Variants in CNTNAP5 observed in about 807,000 individuals in gnomAD.
CNTNAP5 encodes the protein contactin associated protein family member 5, also known as contactin-associated protein-like 5.
Under a neutral mutation model 150.2 loss-of-function variants are expected in CNTNAP5, and 72 were observed. The observed-to-expected ratio is 0.48, with a 90% confidence interval of 0.40 to 0.58. The LOEUF (loss-of-function observed/expected upper bound fraction) is 0.58, where lower values mean the gene tolerates loss of function less well. Among genes scored for constraint, CNTNAP5 ranks in the 20% least tolerant of loss-of-function variants. The pLI is 0.00. For missense variants in CNTNAP5, 1,636 were observed against 1,626.2 expected (o/e 1.01, Z -0.10); for synonymous variants, 672 against 619.8 (o/e 1.08, Z -1.25).
chr2:124,409,033 G>T (rs1691673502), intron 3 of CNTNAP5, among the ~76,000 whole-genome samples: 1 of 138,290 alleles, frequency 7.2e-6, no homozygotes. Flanking sequence ...ATACAGAGAA[G>T]TGCTTAAAGG....
At chr2:124,336,202 C>CAG (rs1441104739) in intron 3 of CNTNAP5, among the ~76,000 whole-genome samples, 1 of 151,974 alleles carries the variant, frequency 6.6e-6, no homozygotes, top group Non-Finnish European at 1.5e-5. Context: ...AGGTGAGGTA[C>CAG]AGAACTCTGC....
rs1678797365 is a variant in CNTNAP5 at position 124,917,649 on chromosome 2, G to A, written c.*3361G>A. 6.6e-6 allele frequency among the ~76,000 whole-genome samples: 1 copy of A among 152,066 alleles called. No individual in the cohort carries two copies. Reference sequence around the variant, plus strand: ...TCAGACTCATCTCCACCAACGGGTAGCAAGAGCAGGATAGAACAAAATAAA... The same window carrying A: ...TCAGACTCATCTCCACCAACGGGTAACAAGAGCAGGATAGAACAAAATAAA... On this transcript the variant is annotated 3_prime_UTR_variant, in exon 24 of 24. Coordinates refer to ENST00000682447, the MANE Select transcript of CNTNAP5 (RefSeq NM_001367498.1).
At chr2:124,786,359 GA>G (rs1281831787) in intron 17 of CNTNAP5, among the ~76,000 whole-genome samples, 3 of 50,562 alleles carry the variant, frequency 5.9e-5, no homozygotes, top group East Asian at 4.7e-4. Flanking sequence ...AAGGAAGAAA[GA>G]AAGAAAGAAA....
chr2:124,385,997 T>C (rs2565764), intron 3 of CNTNAP5, among the ~76,000 whole-genome samples: 1,624 of 152,244 alleles, frequency 0.011, 7 homozygotes, highest in Admixed American at 0.022. Flanking sequence ...AACATCGATG[T>C]TTGTTGAATG....
rs148292942 is a variant in CNTNAP5, at chr2:124,148,548, A to G, written c.83-73157A>G. Among the ~76,000 whole-genome samples, 211 of 146,936 alleles carry G rather than the reference A, an allele frequency of 1.4e-3. 1 individual carries two copies. The highest frequency in any genetic ancestry group is 4.9e-3 in the African/African-American group (196 of 40,390). On this transcript the variant is annotated intron_variant, in intron 1 of 23. Coordinates refer to ENST00000682447, the MANE Select transcript of CNTNAP5 (RefSeq NM_001367498.1). ...TACATATTATATATATACATATTAT[A>G]TATAATATGTATATATATAATATAT...
chr2:124,041,375 A>G (rs1458248519), intron 1 of CNTNAP5, among the ~76,000 whole-genome samples: 1 of 152,234 alleles, frequency 6.6e-6, no homozygotes, highest in African/African-American at 2.4e-5. Context: ...TTGATGGCCA[A>G]TGAAAGTCTC....
chr2:124,473,586 T>C (rs190608203), intron 6 of CNTNAP5, among the ~76,000 whole-genome samples: 1 of 152,052 alleles, frequency 6.6e-6, no homozygotes, highest in Admixed American at 6.6e-5. Context: ...GACATTCTGA[T>C]TGGGAGACCA....
intron 3 of CNTNAP5, among the ~76,000 whole-genome samples, chr2:124,374,212 G>T (rs1690594057): frequency 6.7e-6 from 1 of 149,112 alleles, no homozygotes; most frequent in Non-Finnish European, 1.5e-5. Flanking sequence ...TTATATTATG[G>T]TTAATTATTT....
chr2:124,303,102 C>T (rs546257193), intron 3 of CNTNAP5, among the ~76,000 whole-genome samples: 21 of 152,248 alleles, frequency 1.4e-4, no homozygotes, highest in African/African-American at 5.1e-4. Flanking sequence ...GTGTTTTCCA[C>T]CAGCTTCCAC....
intron 7 of CNTNAP5, among the ~76,000 whole-genome samples, chr2:124,486,289 T>C (rs185750825): frequency 4.6e-5 from 7 of 152,154 alleles, no homozygotes; most frequent in African/African-American, 1.4e-4. Flanking sequence ...AAACGGACTT[T>C]GGGGACTTGT....
At chr2:124,467,786 TC>T (rs756658637) in intron 6 of CNTNAP5, among the ~76,000 whole-genome samples, 4 of 152,170 alleles carry the variant, frequency 2.6e-5, no homozygotes, top group Non-Finnish European at 4.4e-5. Context: ...AAATTCACAC[TC>T]ATATTCAAAT....
intron 20 of CNTNAP5, among the ~76,000 whole-genome samples, chr2:124,868,031 G>A (rs2104723419): frequency 6.6e-6 from 1 of 152,156 alleles, no homozygotes; most frequent in South Asian, 2.1e-4. Context: ...TCTCTTACAT[G>A]CAGCATCTCG....
In CNTNAP5 at chr2:124,707,176, A is replaced by AGAT. The variant is rs755110727; in HGVS notation, c.2078-40051_2078-40050insTGA. On this transcript the variant is annotated intron_variant, in intron 13 of 23. Coordinates refer to ENST00000682447, the MANE Select transcript of CNTNAP5 (RefSeq NM_001367498.1). ...AAGAAGAAGAAGAAGAAGAAGAAGAAGAAGAAGAAGAAGAAGAAGAAGAAG... is the reference window on the plus strand; with the variant it reads ...AAGAAGAAGAAGAAGAAGAAGAAGAAGATGAAGAAGAAGAAGAAGAAGAAGAAG... Among the ~76,000 whole-genome samples, 47 of 121,632 alleles carry AGAT rather than the reference A, an allele frequency of 3.9e-4. 2 individuals carry two copies. Among genetic ancestry groups the AGAT allele is most frequent in the Admixed American group, 1.9e-3 (24 of 12,694 alleles). 79.8% of individuals were successfully genotyped at this position (121,632 alleles called of 152,430 possible).
chr2:124,358,210 C>G (rs564122513), intron 3 of CNTNAP5, among the ~76,000 whole-genome samples: 219 of 152,232 alleles, frequency 1.4e-3, no homozygotes, highest in African/African-American at 4.9e-3. Context: ...TGGGCTGAGA[C>G]AATGGGGTTT....
At chr2:124,414,850 G>T (rs1176939621) in intron 3 of CNTNAP5, among the ~76,000 whole-genome samples, 1 of 151,940 alleles carries the variant, frequency 6.6e-6, no homozygotes, top group Admixed American at 6.6e-5. Flanking sequence ...ACAGACCTAC[G>T]GACTCACATG....
intron 19 of CNTNAP5, among the ~76,000 whole-genome samples, chr2:124,808,014 C>G (rs1465196148): frequency 6.6e-6 from 1 of 152,102 alleles, no homozygotes; most frequent in African/African-American, 2.4e-5. Context: ...GAAAAAAATA[C>G]CATGCCTTTA....
intron 1 of CNTNAP5, among the ~76,000 whole-genome samples, chr2:124,212,778 A>G (rs1686048303): frequency 6.6e-6 from 1 of 150,436 alleles, no homozygotes; most frequent in African/African-American, 2.4e-5. Context: ...CAGTACCACC[A>G]ATGATTTCCT....
In CNTNAP5 at chr2:124,902,949, C is replaced by T. The variant is rs776340609; in HGVS notation, c.3504C>T (p.Ser1168=). The change falls in exon 22 of 24, where the codon TCC becomes TCT. Residue 1168 remains serine, a synonymous_variant. Coordinates refer to ENST00000682447, the MANE Select transcript of CNTNAP5 (RefSeq NM_001367498.1). ...NAMGFAGCMS[S]VQYNHIAPLK... ...TGGGTTTTGCTGGATGCATGTCTTCCGTCCAGTACAACCACATAGCACCAC... is the reference window on the plus strand; with the variant it reads ...TGGGTTTTGCTGGATGCATGTCTTCTGTCCAGTACAACCACATAGCACCAC... 50 of 1,612,882 alleles carry T rather than the reference C, an allele frequency of 3.1e-5. No individual in the cohort carries two copies. The highest frequency in any genetic ancestry group is 9.9e-5 in the South Asian group (9 of 90,946).
chr2:124,732,407 T>C (rs1188374557), intron 13 of CNTNAP5, among the ~76,000 whole-genome samples: 1 of 152,114 alleles, frequency 6.6e-6, no homozygotes, highest in African/African-American at 2.4e-5. Flanking sequence ...CATAAGAAGG[T>C]GGAGCCTTTG....
Sources: gnomAD v4.1 joint callset for allele counts (sites outside exome capture counted in the v4.1 genomes callset) on GRCh38, gnomAD v4.1.1 for gene constraint, MANE v1.5 for transcripts, NCBI Gene and HGNC (gene_info 2026-07-23, HGNC 2026-07-21) for gene names.